The following TPH2 variants were observed in gnomAD, a reference collection of about 807,000 sequenced individuals.
TPH2 encodes tryptophan hydroxylase 2.
A neutral mutation model predicts 59.1 loss-of-function variants in TPH2; 27 were observed. That is an observed-to-expected ratio of 0.46 (90% CI 0.34 to 0.63). TPH2 has a LOEUF of 0.63. TPH2 is among the 30% of genes least tolerant of loss of function. The pLI is 0.01. For missense variants in TPH2, 523 were observed against 588.3 expected, an observed-to-expected ratio of 0.89 and a Z score of 1.15; for synonymous variants, 220 against 210.5, an observed-to-expected ratio of 1.05 and a Z score of -0.39.
chr12:71,984,397 A>G (rs928244325), intron 7 of TPH2, among the ~76,000 whole-genome samples: 4 of 152,200 alleles, frequency 2.6e-5, no homozygotes, highest in East Asian at 3.9e-4. Flanking sequence ...TTGATTGAAC[A>G]GATGTCTCTC....
intron 5 of TPH2, among the ~76,000 whole-genome samples, chr12:71,966,551 A>T (rs974221446): frequency 1.3e-5 from 2 of 152,202 alleles, no homozygotes; most frequent in African/African-American, 4.8e-5. Flanking sequence ...GCAGATAAAC[A>T]TCTCTTGAAT....
rs57532900 is a variant in TPH2 at position 72,021,356 on chromosome 12, AGTGTGTGTGTGTGTGT to A, written c.1069-1018_1069-1003del. On this transcript the variant is annotated intron_variant, in intron 8 of 10. Coordinates refer to ENST00000333850, the MANE Select transcript of TPH2 (RefSeq NM_173353.4). ...ATGCTGATAAAACTTGGGCCAATAAAGTGTGTGTGTGTGTGTGTGTGTGTGTGTGTGTGTGTGTGTA... is the reference window on the plus strand; with the variant it reads ...ATGCTGATAAAACTTGGGCCAATAAAGTGTGTGTGTGTGTGTGTGTGTGTA... Among the ~76,000 whole-genome samples the A allele has an allele frequency of 3.5e-3, 500 of 143,420 alleles. 1 individual carries two copies. Among genetic ancestry groups the A allele is most frequent in the Non-Finnish European group, 5.8e-3 (379 of 65,830 alleles). The allele number at this position is 143,420 out of a possible 152,430, so 94.1% of individuals were successfully genotyped here.
intron 5 of TPH2, chr12:71,961,990 A>C: frequency 2.9e-6 from 3 of 1,030,460 alleles, no homozygotes; most frequent in Non-Finnish European, 3.5e-6. Flanking sequence ...CATTTACGAA[A>C]ATTCATGTGT....
chr12:72,007,993 G>A (rs907950657), intron 8 of TPH2, among the ~76,000 whole-genome samples: 5 of 152,142 alleles, frequency 3.3e-5, no homozygotes, highest in African/African-American at 9.7e-5. Flanking sequence ...CAACTACTAT[G>A]TGTCAGGACT....
At position 71,940,899 on chromosome 12, in the gene TPH2, TCCTG is replaced by T. The variant is rs369393251; in HGVS notation, c.106-681_106-678del. On this transcript the variant is annotated intron_variant, in intron 1 of 10. Transcript: ENST00000333850. Reference sequence around the variant, plus strand: ...TAATTAGCTGGCCAGGTTTCTTCCTTCCTGCCTTTCTCCTTTTTTCCTTTTATTT... The same window carrying T: ...TAATTAGCTGGCCAGGTTTCTTCCTTCCTTTCTCCTTTTTTCCTTTTATTT... Among the ~76,000 whole-genome samples, 122 of 152,314 alleles carry T rather than the reference TCCTG, an allele frequency of 8.0e-4. 3 individuals carry two copies. In the East Asian group the frequency reaches 0.014, roughly 17 times the overall value.
rs928356212 is a variant in TPH2 at position 71,949,539 on chromosome 12, G to C, written c.541-49G>C. The C allele has an allele frequency of 2.0e-6, 3 of 1,510,276 alleles. No homozygotes were observed. In the African/African-American group the frequency reaches 4.1e-5, roughly 21 times the overall value. 93.6% of individuals were successfully genotyped at this position (1,510,276 alleles called of 1,614,324 possible). Reference sequence around the variant, plus strand: ...GTGATTTTCTTTTAGGTCTTCTGCAGCTAATTTTCAGCACTTTGTTAAATA... The same window carrying C: ...GTGATTTTCTTTTAGGTCTTCTGCACCTAATTTTCAGCACTTTGTTAAATA... On this transcript the variant is annotated intron_variant, in intron 4 of 10. Coordinates refer to ENST00000333850, the MANE Select transcript of TPH2 (RefSeq NM_173353.4).
At chr12:71,956,688 C>A (rs1298732314) in intron 5 of TPH2, among the ~76,000 whole-genome samples, 1 of 151,992 alleles carries the variant, frequency 6.6e-6, no homozygotes, top group Admixed American at 6.6e-5. Context: ...TAGCTCACTG[C>A]AACCTTGACC....
In TPH2 at chr12:72,032,281, A is replaced by G. The variant is rs1203239209; in HGVS notation, c.*586A>G. ...AAAACACCTTTTTACAAATGGAATT[A>G]TGTAGGTTGCGTTGACCTTGTAGAA... On this transcript the variant is annotated 3_prime_UTR_variant, in exon 11 of 11. Coordinates refer to ENST00000333850, the MANE Select transcript of TPH2 (RefSeq NM_173353.4). 3 of 158,288 alleles carry G rather than the reference A, an allele frequency of 1.9e-5. No homozygotes were observed. The highest frequency in any genetic ancestry group is 7.2e-5 in the African/African-American group (3 of 41,492). The allele number at this position is 158,288 out of a possible 1,614,324, so 9.8% of individuals were successfully genotyped here. A position where few individuals can be genotyped will look rare whatever the true frequency, so the allele number is the denominator to read the frequency against.
chr12:71,988,973 A>G (rs1305072574), intron 7 of TPH2, among the ~76,000 whole-genome samples: 3 of 152,156 alleles, frequency 2.0e-5, no homozygotes, highest in Non-Finnish European at 4.4e-5. Flanking sequence ...AAAGACAACT[A>G]TAATATCTGC....
chr12:71,951,345 G>C (rs566819109), intron 5 of TPH2, among the ~76,000 whole-genome samples: 48 of 152,166 alleles, frequency 3.2e-4, no homozygotes, highest in Admixed American at 1.3e-4. Context: ...ATCCTTAGAG[G>C]GGGTGTGGGC....
At chr12:72,022,594 C>A (rs1224815734) in intron 9 of TPH2, 100 bp downstream of exon 9, 6 of 969,362 alleles carry the variant, frequency 6.2e-6, no homozygotes, top group Non-Finnish European at 9.8e-6. Context: ...CACAGATACT[C>A]CATAAATATT....
Position 72,031,855 on chromosome 12 carries a change from A to G in TPH2, c.*160A>G. On this transcript the variant is annotated 3_prime_UTR_variant, in exon 11 of 11. Transcript: ENST00000333850. Reference sequence around the variant, plus strand: ...TTGTAACTCACTGTGTTAGTATATAAAGCACCATAAGAAATCCAATGGCAG... The same window carrying G: ...TTGTAACTCACTGTGTTAGTATATAGAGCACCATAAGAAATCCAATGGCAG... 1.3e-6 allele frequency: 1 copy of G among 786,538 alleles called. No individual in the cohort carries two copies. The highest frequency in any genetic ancestry group is 2.6e-5 in the East Asian group (1 of 37,926). The allele number at this position is 786,538 out of a possible 1,614,324, so 48.7% of individuals were successfully genotyped here.
In TPH2 at chr12:72,008,074, G is replaced by T. The variant is rs1436971413; in HGVS notation, c.1068+13509G>T. Among the ~76,000 whole-genome samples, 3 of 152,164 alleles carry T rather than the reference G, an allele frequency of 2.0e-5. No individual in the cohort carries two copies. In the East Asian group the frequency reaches 5.8e-4, roughly 29 times the overall value. ...GCAGTCTACCGAGGGATATAGATAA[G>T]TGAACAGGGACTTTATAGCTTGTGA... On this transcript the variant is annotated intron_variant, in intron 8 of 10. Coordinates refer to ENST00000333850, the MANE Select transcript of TPH2 (RefSeq NM_173353.4).
At chr12:71,961,644 A>G (rs1871685639) in intron 5 of TPH2, 1 of 1,351,926 alleles carries the variant, frequency 7.4e-7, no homozygotes, top group Non-Finnish European at 9.8e-7. Context: ...GTGTATGTTG[A>G]GCGTGCACAT....
At chr12:72,030,165 C>T (rs1161814849) in intron 9 of TPH2, among the ~76,000 whole-genome samples, 3 of 152,080 alleles carry the variant, frequency 2.0e-5, no homozygotes, top group Non-Finnish European at 4.4e-5. Context: ...TTCTGCTACC[C>T]CATTTTTTCT....
chr12:71,955,631 C>T (rs1231229993), intron 5 of TPH2, among the ~76,000 whole-genome samples: 1 of 152,180 alleles, frequency 6.6e-6, no homozygotes. Flanking sequence ...AACTCTAGTA[C>T]TACTTTATAG....
chr12:72,009,846 G>A (rs1339575117), intron 8 of TPH2, among the ~76,000 whole-genome samples: 3 of 152,156 alleles, frequency 2.0e-5, no homozygotes, highest in Non-Finnish European at 4.4e-5. Flanking sequence ...CTGGGGGCCT[G>A]TAATGTTCAG....
Position 72,032,069 on chromosome 12 carries a change from G to GA in TPH2, c.*381dup, listed in dbSNP as rs377429274. ...TTCCTCTGTGTTCATTAGATAAAAT[G>GA]AAAAAAAGCAGTGAAGCTGTTTCCA... On this transcript the variant is annotated 3_prime_UTR_variant, in exon 11 of 11. Transcript: ENST00000333850. The GA allele has an allele frequency of 2.1e-3, 468 of 228,260 alleles. 5 individuals are homozygous for GA. The highest frequency in any genetic ancestry group is 0.01 in the African/African-American group (448 of 44,202). 14.1% of individuals were successfully genotyped at this position (228,260 alleles called of 1,614,324 possible).
At chr12:71,953,807 C>T (rs1281203796) in intron 5 of TPH2, among the ~76,000 whole-genome samples, 1 of 151,984 alleles carries the variant, frequency 6.6e-6, no homozygotes, top group Non-Finnish European at 1.5e-5. Context: ...CAATTCAATT[C>T]CCTGTTGATA....
Sources: allele counts gnomAD v4.1 joint callset (sites outside exome capture counted in the v4.1 genomes callset), GRCh38; gene constraint gnomAD v4.1.1; transcripts MANE v1.5; gene names NCBI Gene and HGNC (gene_info 2026-07-23, HGNC 2026-07-21).